FKBP5: variants seen among roughly 807,000 people sequenced by gnomAD.
FKBP5 encodes the protein peptidyl-prolyl cis-trans isomerase FKBP5.
A neutral mutation model predicts 50.5 loss-of-function variants in FKBP5; 23 were observed. The ratio of observed to expected loss-of-function variants is 0.46; its 90% CI spans 0.33 to 0.65. The LOEUF (loss-of-function observed/expected upper bound fraction) is 0.65. Ranked by LOEUF, FKBP5 falls within the 30% of genes least tolerant of loss-of-function variation. FKBP5 has a pLI of 0.02. For missense variants in FKBP5, 411 were observed against 553.1 expected (o/e 0.74, Z 2.58); for synonymous variants, 176 against 190.6 (o/e 0.92, Z 0.63).
At chr6:35,685,547 T>G (rs1765797707) in intron 1 of FKBP5, among the ~76,000 whole-genome samples, 2 of 152,248 alleles carry the variant, frequency 1.3e-5, no homozygotes, top group Non-Finnish European at 2.9e-5. Context: ...ATGCAGATAT[T>G]TGTTAAACAT....
Position 35,660,676 on chromosome 6 carries a change from T to G in FKBP5, c.-19-17833A>C, listed in dbSNP as rs1041441345. On this transcript the variant is annotated intron_variant, in intron 1 of 10. Transcript: ENST00000357266. Reference sequence around the variant, plus strand: ...TCTGCTTGTATTGGGTAGAATACTATGTAAATGTCAATTAGGTTAGTTGAC... The same window carrying G: ...TCTGCTTGTATTGGGTAGAATACTAGGTAAATGTCAATTAGGTTAGTTGAC... Among the ~76,000 whole-genome samples, 11 of 83,664 alleles carry G rather than the reference T, an allele frequency of 1.3e-4. 4 individuals carry two copies. Among genetic ancestry groups the G allele is most frequent in the African/African-American group, 4.1e-4 (11 of 26,972 alleles). The allele number at this position is 83,664 out of a possible 152,430, so 54.9% of individuals were successfully genotyped here.
At chr6:35,589,092 T>TTATATATATATATTTTTATA (rs1762714533) in intron 7 of FKBP5, among the ~76,000 whole-genome samples, 7 of 135,986 alleles carry the variant, frequency 5.1e-5, no homozygotes, top group African/African-American at 2.0e-4. Flanking sequence ...ATATATATTT[T>TTATATATATATATTTTTATA]TATATATATA....
intron 3 of FKBP5, among the ~76,000 whole-genome samples, chr6:35,623,650 G>A (rs1002772072): frequency 6.6e-6 from 1 of 151,276 alleles, no homozygotes; most frequent in Non-Finnish European, 1.5e-5. Context: ...GCTTACTGCA[G>A]CCTCAACCTC....
At position 35,583,418 on chromosome 6, in the gene FKBP5, ACTT is replaced by A. The variant is rs546826018; in HGVS notation, c.841-3200_841-3198del. On this transcript the variant is annotated intron_variant, in intron 8 of 10. Coordinates refer to ENST00000357266, the MANE Select transcript of FKBP5 (RefSeq NM_004117.4). ...ACAAAACACAAAAAACAGGTATTAG[ACTT>A]CTTAATAGTTCCTTCACATAGGGCA... 1,288 of 985,422 alleles carry A rather than the reference ACTT, an allele frequency of 1.3e-3. 2 individuals carry two copies. The highest frequency in any genetic ancestry group is 1.4e-3 in the Non-Finnish European group (1,177 of 829,922). The allele number at this position is 985,422 out of a possible 1,614,324, so 61.0% of individuals were successfully genotyped here.
Position 35,632,527 on chromosome 6 carries a change from TATATA to T in FKBP5, c.250+4482_250+4486del, listed in dbSNP as rs1315361013. Reference sequence around the variant, plus strand: ...ATAATAATATATACTTATATAATCATATATAATATATGTAGTATATATGATTATCA... The same window carrying T: ...ATAATAATATATACTTATATAATCATATATATGTAGTATATATGATTATCA... On this transcript the variant is annotated intron_variant, in intron 3 of 10. Transcript: ENST00000357266. Among the ~76,000 whole-genome samples the T allele has an allele frequency of 1.6e-4, 25 of 151,974 alleles. No individual in the cohort carries two copies. The East Asian group carries it at 4.4e-3, about 27-fold the overall frequency.
chr6:35,669,776 C>G (rs1415964985), intron 1 of FKBP5, among the ~76,000 whole-genome samples: 1 of 152,074 alleles, frequency 6.6e-6, no homozygotes, highest in Non-Finnish European at 1.5e-5. Context: ...ACATAACAAA[C>G]CTCTTATAAC....
chr6:35,579,297 T>C (rs759029351), intron 9 of FKBP5, among the ~76,000 whole-genome samples: 1 of 152,210 alleles, frequency 6.6e-6, no homozygotes, highest in African/African-American at 2.4e-5. Context: ...TCACAAAGAA[T>C]GTACAAAATA....
At chr6:35,650,562 C>T (rs1027093307) in intron 1 of FKBP5, among the ~76,000 whole-genome samples, 1 of 152,054 alleles carries the variant, frequency 6.6e-6, no homozygotes, top group Non-Finnish European at 1.5e-5. Flanking sequence ...CAATCTCCGC[C>T]TCCTAGGTTC....
intron 1 of FKBP5, among the ~76,000 whole-genome samples, chr6:35,660,264 ATTTTT>A (rs773891773): frequency 8.6e-5 from 4 of 46,712 alleles, no homozygotes; most frequent in African/African-American, 3.0e-4. Context: ...CATTGATGCT[ATTTTT>A]TTTTTTTTTT....
intron 8 of FKBP5, chr6:35,582,086 C>T: frequency 1.0e-6 from 1 of 985,428 alleles, no homozygotes; most frequent in African/African-American, 1.7e-5. Context: ...CAGACCTGTT[C>T]CAGCTGGAGG....
At chr6:35,605,364 G>A (rs1305963426) in intron 5 of FKBP5, among the ~76,000 whole-genome samples, 3 of 133,012 alleles carry the variant, frequency 2.3e-5, no homozygotes, top group African/African-American at 8.2e-5. Context: ...AAAATAATAA[G>A]AGCCACCTAT....
intron 1 of FKBP5, among the ~76,000 whole-genome samples, chr6:35,722,417 G>A (rs1393863270): frequency 3.9e-5 from 6 of 152,234 alleles, no homozygotes; most frequent in Non-Finnish European, 2.9e-5. Flanking sequence ...TGGGGGATCG[G>A]AGGAGAGTGC....
At chr6:35,699,439 C>T (rs1766140272) in intron 2 of FKBP5, among the ~76,000 whole-genome samples, 1 of 152,198 alleles carries the variant, frequency 6.6e-6, no homozygotes, top group African/African-American at 2.4e-5. Context: ...TTCAGATACA[C>T]AGTTATCTGG....
At chr6:35,702,703 C>T (rs1046259628) in intron 2 of FKBP5, among the ~76,000 whole-genome samples, 4 of 151,886 alleles carry the variant, frequency 2.6e-5, no homozygotes, top group Non-Finnish European at 5.9e-5. Flanking sequence ...CCACCCGCCT[C>T]GGCCTTCCAA....
chr6:35,727,600 A>AG (rs1490305970), intron 1 of FKBP5, among the ~76,000 whole-genome samples: 3 of 152,158 alleles, frequency 2.0e-5, no homozygotes, highest in South Asian at 2.1e-4. Flanking sequence ...GGATCAGGGA[A>AG]GGGGGGCTAG....
chr6:35,719,907 G>A (rs1211221571), intron 2 of FKBP5, among the ~76,000 whole-genome samples: 1 of 152,240 alleles, frequency 6.6e-6, no homozygotes, highest in Non-Finnish European at 1.5e-5. Flanking sequence ...TTGGCTGAGG[G>A]GTGGGGGTTG....
At chr6:35,680,463 A>G (rs965232249) in intron 1 of FKBP5, among the ~76,000 whole-genome samples, 7 of 152,220 alleles carry the variant, frequency 4.6e-5, no homozygotes, top group African/African-American at 1.7e-4. Flanking sequence ...ATATCCATTA[A>G]TTATGCCTAA....
At chr6:35,668,676 T>C (rs1448391121) in intron 1 of FKBP5, among the ~76,000 whole-genome samples, 4 of 152,066 alleles carry the variant, frequency 2.6e-5, no homozygotes, top group Admixed American at 2.0e-4. Context: ...ACATGTGTTT[T>C]GTTTTGTTTG....
chr6:35,699,785 G>A (rs905949407), intron 2 of FKBP5, among the ~76,000 whole-genome samples: 6 of 152,140 alleles, frequency 3.9e-5, no homozygotes, highest in East Asian at 1.9e-4. Context: ...GGTGGCTCAC[G>A]CCTGTTATCT....
Sources: allele counts gnomAD v4.1 joint callset (sites outside exome capture counted in the v4.1 genomes callset), GRCh38; gene constraint gnomAD v4.1.1; transcripts MANE v1.5; gene names NCBI Gene and HGNC (gene_info 2026-07-23, HGNC 2026-07-21).